SOCS5: variants seen among roughly 807,000 people sequenced by gnomAD.
The protein encoded by SOCS5 is CIS-6.
A neutral mutation model predicts 42.8 loss-of-function variants in SOCS5; 32 were observed. That is an observed-to-expected ratio of 0.75 (90% CI 0.56 to 1.01). The LOEUF is 1.01. SOCS5 is among the 50% of genes least tolerant of loss of function. SOCS5 has a pLI of 0.00. For synonymous variants in SOCS5, 283 were observed against 229.6 expected, an observed-to-expected ratio of 1.23 and a Z score of -2.10; for missense variants, 627 against 653.0, an observed-to-expected ratio of 0.96 and a Z score of 0.43.
At chr2:46,753,869 C>G (rs980459463) in intron 1 of SOCS5, among the ~76,000 whole-genome samples, 1 of 152,088 alleles carries the variant, frequency 6.6e-6, no homozygotes, top group Non-Finnish European at 1.5e-5. Flanking sequence ...GTGGGAGTGT[C>G]TTTTAACATC....
chr2:46,750,280 C>G lies in SOCS5; in HGVS notation c.-12-8239C>G, dbSNP rs77955713. ...TAAGATTTCTGCTAGGCTCGGCGTG[C>G]CCTCCTACGTGATACCAGAAGTTAG... On this transcript the variant is annotated intron_variant, in intron 1 of 1. Transcript: ENST00000394861. 4.6e-5 allele frequency among the ~76,000 whole-genome samples: 7 copies of G among 152,230 alleles called. No individual in the cohort carries two copies. In the East Asian group the frequency reaches 1.3e-3, roughly 29 times the overall value.
intron 1 of SOCS5, among the ~76,000 whole-genome samples, chr2:46,751,707 C>G (rs972715659): frequency 1.3e-5 from 2 of 151,812 alleles, no homozygotes; most frequent in Non-Finnish European, 2.9e-5. Flanking sequence ...AGATGATAAT[C>G]TTAGAGTATT....
rs1395498730 is a variant in SOCS5 at position 46,761,069 on chromosome 2, T to A, written c.*928T>A. 6.0e-6 allele frequency: 1 copy of A among 167,106 alleles called. No homozygotes were observed. The highest frequency in any genetic ancestry group is 1.5e-5 in the Non-Finnish European group (1 of 68,122). The allele number at this position is 167,106 out of a possible 1,614,324, so 10.4% of individuals were successfully genotyped here. On this transcript the variant is annotated 3_prime_UTR_variant, in exon 2 of 2. Coordinates refer to ENST00000394861, the MANE Select transcript of SOCS5 (RefSeq NM_144949.3). The stretch of plus-strand genomic sequence containing the variant: ...ATTATTGTTGAACTATAATTAATAA[T>A]TTGGATGGCAGAATTTATCTCTTTT...
rs1346053405 is a variant in SOCS5 at position 46,758,758 on chromosome 2, A to G, written c.228A>G (p.Ser76=). The G allele has an allele frequency of 6.2e-7, 1 of 1,614,092 alleles. No homozygotes were observed. The highest frequency in any genetic ancestry group is 1.3e-5 in the African/African-American group (1 of 74,942). The change falls in exon 2 of 2, where the codon TCA becomes TCG. Residue 76 remains serine, a synonymous_variant. Coordinates refer to ENST00000394861, the MANE Select transcript of SOCS5 (RefSeq NM_144949.3). ...GATTAAGCCCTTCGAAGAATTCTTCAAGGAGAAATCAAAATTGTGCCACAG... is the reference window on the plus strand; with the variant it reads ...GATTAAGCCCTTCGAAGAATTCTTCGAGGAGAAATCAAAATTGTGCCACAG... The part of the protein sequence containing the change: ...QLGLSPSKNS[S]RRNQNCATEI...
intron 1 of SOCS5, among the ~76,000 whole-genome samples, chr2:46,702,374 G>A (rs1187125883): frequency 6.6e-6 from 1 of 152,072 alleles, no homozygotes; most frequent in African/African-American, 2.4e-5. Context: ...GCTTACCTTG[G>A]ACCTTTAATT....
intron 1 of SOCS5, among the ~76,000 whole-genome samples, chr2:46,750,123 G>A (rs1337270195): frequency 6.6e-6 from 1 of 152,124 alleles, no homozygotes; most frequent in African/African-American, 2.4e-5. Context: ...ATTCTTAAAT[G>A]GTAATGCTGG....
chr2:46,714,898 A>G (rs567644674), intron 1 of SOCS5, among the ~76,000 whole-genome samples: 9 of 150,718 alleles, frequency 6.0e-5, no homozygotes, highest in Non-Finnish European at 1.2e-4. Context: ...ATCTCTTTCA[A>G]TTTTTTTTTA....
At position 46,760,058 on chromosome 2, in the gene SOCS5, T is replaced by A; in HGVS notation, c.1528T>A (p.Leu510Ile). Residue 510 changes from leucine to isoleucine, a missense_variant, in exon 2 of 2, where the codon TTA becomes ATA. Leu to Ile is a conservative substitution (Grantham distance 5). Around this residue, in one of 3 missense-constraint regions of SOCS5, gnomAD observed 340 missense variants for 367.6 expected, o/e 0.92. Coordinates refer to ENST00000394861, the MANE Select transcript of SOCS5 (RefSeq NM_144949.3). ...GIDGLPLPSM[L>I]QDFLKEYHYK... is the part of the protein sequence containing the mutation. Reference sequence around the variant, plus strand: ...TGATGGGCTCCCTCTACCCTCAATGTTACAGGATTTTTTAAAAGAGTATCA... The same window carrying A: ...TGATGGGCTCCCTCTACCCTCAATGATACAGGATTTTTTAAAAGAGTATCA... The A allele has an allele frequency of 6.2e-7, 1 of 1,613,880 alleles. No individual in the cohort carries two copies. Among genetic ancestry groups the A allele is most frequent in the Non-Finnish European group, 8.5e-7 (1 of 1,179,780 alleles).
intron 1 of SOCS5, among the ~76,000 whole-genome samples, chr2:46,757,876 A>G (rs1278900240): frequency 6.6e-6 from 1 of 152,172 alleles, no homozygotes; most frequent in Non-Finnish European, 1.5e-5. Context: ...AAAAAAAAAG[A>G]AAAAGGAAAA....
intron 1 of SOCS5, among the ~76,000 whole-genome samples, chr2:46,742,719 G>A (rs2103743303): frequency 6.6e-6 from 1 of 152,144 alleles, no homozygotes; most frequent in Non-Finnish European, 1.5e-5. Context: ...AGGCTGGAGT[G>A]CAATGGCGCG....
At chr2:46,717,025 G>C (rs189258020) in intron 1 of SOCS5, among the ~76,000 whole-genome samples, 106 of 152,252 alleles carry the variant, frequency 7.0e-4, no homozygotes, top group African/African-American at 2.4e-3. Context: ...CCCAGTATTT[G>C]TTATTTTCTT....
At chr2:46,725,448 C>A (rs1396588992) in intron 1 of SOCS5, among the ~76,000 whole-genome samples, 1 of 151,956 alleles carries the variant, frequency 6.6e-6, no homozygotes, top group Non-Finnish European at 1.5e-5. Flanking sequence ...TCTTTTCCCC[C>A]TTCCTGCTGT....
At chr2:46,755,197 A>G (rs1027360372) in intron 1 of SOCS5, among the ~76,000 whole-genome samples, 13 of 152,206 alleles carry the variant, frequency 8.5e-5, no homozygotes, top group African/African-American at 3.1e-4. Context: ...ATATTTTAAC[A>G]ATATAACATA....
chr2:46,758,471 T>G, intron 1 of SOCS5, 48 bp from the exon 2 acceptor site: 1 of 1,347,550 alleles, frequency 7.4e-7, no homozygotes, highest in Non-Finnish European at 1.0e-6. Flanking sequence ...TACCTTCACA[T>G]GCTACTTTGA....
chr2:46,733,250 A>G (rs1220049816), intron 1 of SOCS5, among the ~76,000 whole-genome samples: 1 of 152,036 alleles, frequency 6.6e-6, no homozygotes, highest in Non-Finnish European at 1.5e-5. Context: ...GCATGCCACT[A>G]TGCCCAGCTA....
intron 1 of SOCS5, among the ~76,000 whole-genome samples, chr2:46,746,896 C>G (rs997440433): frequency 4.8e-5 from 5 of 105,258 alleles, no homozygotes; most frequent in Admixed American, 4.7e-4. Context: ...TTTATTTTCT[C>G]TTTTCCAATT....
chr2:46,748,971 T>G (rs1673566599), intron 1 of SOCS5, among the ~76,000 whole-genome samples: 1 of 152,224 alleles, frequency 6.6e-6, no homozygotes, highest in Admixed American at 6.5e-5. Context: ...TCTGCTAAAT[T>G]CCTCAACTGA....
intron 1 of SOCS5, among the ~76,000 whole-genome samples, chr2:46,716,226 C>G (rs962284575): frequency 1.3e-5 from 2 of 149,404 alleles, no homozygotes; most frequent in Non-Finnish European, 3.0e-5. Flanking sequence ...TCTTTAAACT[C>G]TTTTCTAATA....
At chr2:46,725,540 C>G (rs1672972403) in intron 1 of SOCS5, among the ~76,000 whole-genome samples, 1 of 152,096 alleles carries the variant, frequency 6.6e-6, no homozygotes, top group African/African-American at 2.4e-5. Flanking sequence ...GAAATCTTAA[C>G]ACCATATGTA....
Sources: allele counts gnomAD v4.1 joint callset (sites outside exome capture counted in the v4.1 genomes callset), GRCh38; gene constraint gnomAD v4.1.1; regional missense constraint gnomAD v4.1.1; transcripts MANE v1.5; gene names NCBI Gene and HGNC (gene_info 2026-07-23, HGNC 2026-07-21).